The following PRUNE2 variants were observed in gnomAD, a reference collection of about 807,000 sequenced individuals.
PRUNE2 encodes prune homolog 2 with BCH domain.
A neutral mutation model predicts 252.0 loss-of-function variants in PRUNE2; 164 were observed. The observed-to-expected ratio is 0.65, with a 90% CI of 0.57 to 0.74. The LOEUF is 0.74. Among genes scored for constraint, PRUNE2 ranks in the 30% least tolerant of loss-of-function variants. PRUNE2 has a pLI of 0.00. For synonymous variants in PRUNE2, 1,292 were observed against 1,350.2 expected (o/e 0.96, Z 0.94); for missense variants, 3,495 against 3,711.0 (o/e 0.94, Z 1.51).
chr9:76,881,187 C>T (rs566631386), intron 1 of PRUNE2, among the ~76,000 whole-genome samples: 54 of 152,082 alleles, frequency 3.6e-4, no homozygotes, highest in African/African-American at 1.2e-3. Flanking sequence ...AGGCTGGTCT[C>T]GAACTCCTGA....
chr9:76,711,081 C>T lies in PRUNE2; in HGVS notation c.1193G>A (p.Ser398Asn). ...LYGSDIEPQP[S>N]SVNFIENPPD... ...AGGGTTCTCTATGAAATTCACAGAG[C>T]TGGGTTGTGGCTCTATGTCAGAACC... The change falls in exon 8 of 19, where the codon AGC (serine) becomes AAC (asparagine). Residue 398 changes from serine to asparagine, a missense_variant. Physicochemically the swap from Ser to Asn is conservative, Grantham distance 46. Transcript: ENST00000376718. The T allele has an allele frequency of 6.2e-7, 1 of 1,614,006 alleles. No individual in the cohort carries two copies. Among genetic ancestry groups the T allele is most frequent in the Non-Finnish European group, 8.5e-7 (1 of 1,179,878 alleles).
intron 6 of PRUNE2, among the ~76,000 whole-genome samples, chr9:76,731,569 C>G (rs1413265400): frequency 6.6e-6 from 1 of 152,040 alleles, no homozygotes; most frequent in African/African-American, 2.4e-5. Flanking sequence ...CTCAAGTGAT[C>G]CCCCCATCTT....
chr9:76,883,124 T>C (rs149055760), intron 1 of PRUNE2, among the ~76,000 whole-genome samples: 1 of 152,240 alleles, frequency 6.6e-6, no homozygotes, highest in African/African-American at 2.4e-5. Context: ...GCCCTGGCCA[T>C]AGATCCCCTG....
intron 1 of PRUNE2, among the ~76,000 whole-genome samples, chr9:76,892,937 G>A (rs2062574434): frequency 6.6e-6 from 1 of 152,176 alleles, no homozygotes; most frequent in South Asian, 2.1e-4. Flanking sequence ...TCTGTGATTA[G>A]GCTGGGCACA....
intron 1 of PRUNE2, among the ~76,000 whole-genome samples, chr9:76,875,392 A>G (rs1357060256): frequency 2.0e-5 from 3 of 151,942 alleles, no homozygotes; most frequent in Admixed American, 6.6e-5. Flanking sequence ...TTTTGAGACA[A>G]TCTTGCTCTG....
intron 12 of PRUNE2, among the ~76,000 whole-genome samples, chr9:76,643,286 G>A (rs553158392): frequency 1.1e-4 from 16 of 152,094 alleles, no homozygotes; most frequent in Non-Finnish European, 7.4e-5. Flanking sequence ...TGTTTATAGG[G>A]CTTATCACTG....
chr9:76,876,897 G>A (rs184108117), intron 1 of PRUNE2, among the ~76,000 whole-genome samples: 2 of 152,120 alleles, frequency 1.3e-5, no homozygotes, highest in South Asian at 2.1e-4. Context: ...TATAATACAG[G>A]TTGACACATC....
At chr9:76,831,274 T>C (rs1366724746) in intron 4 of PRUNE2, among the ~76,000 whole-genome samples, 2 of 147,948 alleles carry the variant, frequency 1.4e-5, no homozygotes, top group African/African-American at 5.0e-5. Flanking sequence ...CAGAAAAAAA[T>C]GAAAGAAGTC....
chr9:76,707,168 G>A lies in PRUNE2; in HGVS notation c.5106C>T (p.Ile1702=), dbSNP rs2046370549. The part of the protein sequence containing the change: ...VGGEESIEEE[I]QVANCHVAED... ...CAGCAACGTGGCAGTTGGCCACCTG[G>A]ATCTCTTCCTCTATTGACTCTTCAC... Residue 1702 remains isoleucine (I), a synonymous_variant, in exon 8 of 19, where the codon ATC becomes ATT. Transcript: ENST00000376718. The A allele has an allele frequency of 6.2e-7, 1 of 1,613,868 alleles. No homozygotes were observed. Among genetic ancestry groups the A allele is most frequent in the African/African-American group, 1.3e-5 (1 of 75,000 alleles).
At position 76,614,417 on chromosome 9, in the gene PRUNE2, T is replaced by G; in HGVS notation, c.*153A>C. 1.5e-6 allele frequency: 1 copy of G among 677,650 alleles called. No homozygotes were observed. Among genetic ancestry groups the G allele is most frequent in the Non-Finnish European group, 2.6e-6 (1 of 386,706 alleles). 42.0% of individuals were successfully genotyped at this position (677,650 alleles called of 1,614,324 possible). ...ACAATTTCATAAAATATCTTAAGAGTAAACAAACTTTCTATTTTTCCCCTT... is the reference window on the plus strand; with the variant it reads ...ACAATTTCATAAAATATCTTAAGAGGAAACAAACTTTCTATTTTTCCCCTT... On this transcript the variant is annotated 3_prime_UTR_variant, in exon 19 of 19. Coordinates refer to ENST00000376718, the MANE Select transcript of PRUNE2 (RefSeq NM_015225.3).
chr9:76,854,523 G>T (rs1326964145), intron 1 of PRUNE2, among the ~76,000 whole-genome samples: 2 of 152,056 alleles, frequency 1.3e-5, no homozygotes, highest in Non-Finnish European at 2.9e-5. Context: ...GTTCTAAGGG[G>T]CATAGTATTC....
intron 1 of PRUNE2, among the ~76,000 whole-genome samples, chr9:76,884,170 C>A (rs1564503088): frequency 6.6e-6 from 1 of 152,144 alleles, no homozygotes; most frequent in African/African-American, 2.4e-5. Context: ...ACAAAGCACA[C>A]TTGGGTTATA....
At chr9:76,836,828 G>T (rs1426092812) in intron 4 of PRUNE2, among the ~76,000 whole-genome samples, 3 of 152,290 alleles carry the variant, frequency 2.0e-5, no homozygotes, top group African/African-American at 7.2e-5. Flanking sequence ...GCCCAAAGCA[G>T]AGTGACGGGG....
intron 6 of PRUNE2, among the ~76,000 whole-genome samples, chr9:76,721,800 G>A (rs1191933197): frequency 6.6e-6 from 1 of 152,078 alleles, no homozygotes; most frequent in East Asian, 1.9e-4. Flanking sequence ...TTTTAAAATC[G>A]AGATATAAGA....
At chr9:76,678,164 C>T (rs925275341) in intron 9 of PRUNE2, among the ~76,000 whole-genome samples, 6 of 151,384 alleles carry the variant, frequency 4.0e-5, no homozygotes, top group Non-Finnish European at 5.9e-5. Context: ...CCAGCCTGGC[C>T]AACACGGCAA....
chr9:76,837,444 TA>T (rs56714729), intron 4 of PRUNE2, among the ~76,000 whole-genome samples: 28 of 112,634 alleles, frequency 2.5e-4, no homozygotes, highest in East Asian at 4.9e-4. Flanking sequence ...CTGTCTCAAA[TA>T]ATAATAATAA....
At chr9:76,701,271 A>G (rs908050429) in intron 9 of PRUNE2, among the ~76,000 whole-genome samples, 3 of 152,260 alleles carry the variant, frequency 2.0e-5, no homozygotes, top group Non-Finnish European at 4.4e-5. Flanking sequence ...AATCTAGCAC[A>G]GAGGGAGACT....
intron 18 of PRUNE2, chr9:76,615,138 T>C: frequency 1.0e-6 from 1 of 985,690 alleles, no homozygotes; most frequent in Non-Finnish European, 1.2e-6. Context: ...AAGCTTGTTT[T>C]TCAGAAGGTC....
chr9:76,712,216 T>C (rs1176027716), intron 7 of PRUNE2, among the ~76,000 whole-genome samples: 1 of 152,218 alleles, frequency 6.6e-6, no homozygotes, highest in Non-Finnish European at 1.5e-5. Context: ...ATTATCTCTT[T>C]TAATCACCAC....
Sources: allele counts gnomAD v4.1 joint callset (sites outside exome capture counted in the v4.1 genomes callset), GRCh38; gene constraint gnomAD v4.1.1; transcripts MANE v1.5; gene names NCBI Gene and HGNC (gene_info 2026-07-23, HGNC 2026-07-21).